EDRF1: variants seen among roughly 807,000 people sequenced by gnomAD.
The protein encoded by EDRF1 is erythroid differentiation-related factor 1.
In EDRF1, 69 loss-of-function variants were observed where a neutral mutation model predicts 148.7. The ratio of observed to expected loss-of-function variants is 0.46; its 90% confidence interval spans 0.38 to 0.57. The LOEUF is 0.57. Among genes scored for constraint, EDRF1 ranks in the 20% least tolerant of loss-of-function variants. The pLI is 0.00. For missense variants in EDRF1, 1,118 were observed against 1,478.7 expected, an observed-to-expected ratio of 0.76 and a Z score of 4.00; for synonymous variants, 515 against 532.8, an observed-to-expected ratio of 0.97 and a Z score of 0.46.
chr10:125,739,812 TA>T (rs1848920298), intron 15 of EDRF1, among the ~76,000 whole-genome samples: 1 of 152,244 alleles, frequency 6.6e-6, no homozygotes, highest in Non-Finnish European at 1.5e-5. Context: ...TGGTTTATGT[TA>T]TCAAGGATAG....
chr10:125,761,208 ATT>A (rs1850177262), intron 24 of EDRF1: 2 of 394,030 alleles, frequency 5.1e-6, no homozygotes, highest in Non-Finnish European at 5.1e-6. Flanking sequence ...TTTAAAAAAA[ATT>A]TTTGTTTTCA....
At chr10:125,721,806 C>T (rs1177702316) in intron 2 of EDRF1, among the ~76,000 whole-genome samples, 2 of 152,176 alleles carry the variant, frequency 1.3e-5, no homozygotes, top group Non-Finnish European at 2.9e-5. Context: ...TAAATGGTGG[C>T]AGGTTGATCT....
intron 17 of EDRF1, chr10:125,742,536 T>C: frequency 1.0e-6 from 1 of 985,454 alleles, no homozygotes; most frequent in Non-Finnish European, 1.2e-6. Context: ...TCTCAAATAA[T>C]CATGTTTTAA....
chr10:125,741,539 C>G (rs1360564696), intron 17 of EDRF1: 4 of 335,176 alleles, frequency 1.2e-5, no homozygotes, highest in Non-Finnish European at 2.3e-5. Flanking sequence ...CCACGCCTGG[C>G]CTGCTGTTTT....
Position 125,753,746 on chromosome 10 carries a change from G to A in EDRF1, c.3446G>A (p.Arg1149Gln), listed in dbSNP as rs200858494. Residue 1149 changes from arginine to glutamine, a missense_variant, in exon 24 of 25, where the codon CGA (arginine) becomes CAA (glutamine). Transcript: ENST00000356792. The stretch of plus-strand genomic sequence containing the variant: ...GCTGATGCTTCTCCTAGTCTCAATC[G>A]AGAAGAAGTGATGAAACTCCTCAGT... ...AAADASPSLN[R>Q]EEVMKLLSIF... 17 of 1,613,814 alleles carry A rather than the reference G, an allele frequency of 1.1e-5. No homozygotes were observed. Among genetic ancestry groups the A allele is most frequent in the African/African-American group, 2.7e-5 (2 of 74,842 alleles).
intron 24 of EDRF1, among the ~76,000 whole-genome samples, chr10:125,759,911 C>T (rs548118654): frequency 2.0e-5 from 3 of 152,212 alleles, no homozygotes; most frequent in East Asian, 3.9e-4. Flanking sequence ...GGGGTTTCAC[C>T]GTGTTAGCCA....
At position 125,754,278 on chromosome 10, in the gene EDRF1, G is replaced by C. The variant is rs532916326; in HGVS notation, c.3545+433G>C. ...TGTATTCTGTCTTGTCTTCTATGTG[G>C]ATAGTAGAATTTTAAGTGGTGTTCC... On this transcript the variant is annotated intron_variant, in intron 24 of 24. Coordinates refer to ENST00000356792, the MANE Select transcript of EDRF1 (RefSeq NM_001202438.2). Among the ~76,000 whole-genome samples the C allele has an allele frequency of 2.6e-5, 4 of 152,004 alleles. 1 individual carries two copies. The highest frequency in any genetic ancestry group is 9.6e-5 in the African/African-American group (4 of 41,476).
intron 1 of EDRF1, among the ~76,000 whole-genome samples, chr10:125,720,521 C>A (rs944494280): frequency 6.6e-6 from 1 of 152,116 alleles, no homozygotes; most frequent in Non-Finnish European, 1.5e-5. Context: ...AATTAAAATA[C>A]ATCTTTGGCC....
chr10:125,733,353 G>T, intron 9 of EDRF1, 51 bp from the exon 10 acceptor site: 4 of 1,451,026 alleles, frequency 2.8e-6, no homozygotes, highest in Non-Finnish European at 3.8e-6. Context: ...GAAAGGTGTT[G>T]TTTCCTTGGG....
intron 6 of EDRF1, among the ~76,000 whole-genome samples, chr10:125,727,420 C>T (rs1589823448): frequency 6.6e-6 from 1 of 152,258 alleles, no homozygotes; most frequent in African/African-American, 2.4e-5. Flanking sequence ...CTTTGTTAAG[C>T]AGTTATAGAG....
At chr10:125,748,140 T>G in intron 21 of EDRF1, 128 bp downstream of exon 21, 1 of 1,117,992 alleles carries the variant, frequency 8.9e-7, no homozygotes. Context: ...GTCCTAAATT[T>G]TCTGCTGCGT....
In EDRF1 at chr10:125,743,065, A is replaced by T; in HGVS notation, c.2379A>T (p.Ala793=). Residue 793 remains alanine (A), a synonymous_variant, in exon 18 of 25, where the codon GCA becomes GCT. Coordinates refer to ENST00000356792, the MANE Select transcript of EDRF1 (RefSeq NM_001202438.2). ...TCCCTTTTTTCTTTTCAGGATTTGC[A>T]TGGGCAACTGATTTGTCTACAGACT... ...LHRESSCQGF[A]WATDLSTDLE... 6.2e-7 allele frequency: 1 copy of T among 1,613,640 alleles called. No homozygotes were observed. The highest frequency in any genetic ancestry group is 1.7e-4 in the Middle Eastern group (1 of 5,880).
intron 17 of EDRF1, 102 bp downstream of exon 17, chr10:125,741,303 A>G (rs1849005111): frequency 9.4e-7 from 1 of 1,067,174 alleles, no homozygotes; most frequent in African/African-American, 1.6e-5. Context: ...TAGAGTTTTG[A>G]TATTTGCTCT....
Position 125,737,899 on chromosome 10 carries a change from T to G in EDRF1, c.1759-19T>G. On this transcript the variant is annotated intron_variant, in intron 13 of 24. Transcript: ENST00000356792. ...AATACATTGGTAGTGTATTAATAAT[T>G]TTATGTTTGTTCCTCAAGCCCAGTT... The G allele has an allele frequency of 6.2e-7, 1 of 1,611,772 alleles. No homozygotes were observed.
intron 13 of EDRF1, among the ~76,000 whole-genome samples, chr10:125,736,558 G>C (rs376513978): frequency 5.6e-4 from 85 of 152,244 alleles, no homozygotes; most frequent in African/African-American, 2.0e-3. Flanking sequence ...CGTATTTACA[G>C]ATAATCTCTT....
At chr10:125,721,954 C>T (rs1201151784) in intron 2 of EDRF1, among the ~76,000 whole-genome samples, 2 of 152,198 alleles carry the variant, frequency 1.3e-5, no homozygotes, top group Admixed American at 1.3e-4. Context: ...TACTGTAGGA[C>T]ATTTAATGTG....
At chr10:125,749,092 A>G (rs759422455) in intron 21 of EDRF1, 25 of 355,710 alleles carry the variant, frequency 7.0e-5, no homozygotes, top group Non-Finnish European at 1.2e-4. Flanking sequence ...AAAAAAATTA[A>G]AAAATTAGCC....
chr10:125,740,340 G>C, intron 15 of EDRF1, 123 bp from the exon 16 acceptor site: 1 of 1,002,300 alleles, frequency 1.0e-6, no homozygotes, highest in Non-Finnish European at 1.5e-6. Context: ...GTAAAGCATA[G>C]TATTTACCAG....
rs774121110 is a variant in EDRF1 at position 125,745,905 on chromosome 10, CAGA to C, written c.2795_2797del (p.Glu932del). The C allele has an allele frequency of 7.4e-6, 12 of 1,614,066 alleles. No individual in the cohort carries two copies. Among genetic ancestry groups the C allele is most frequent in the Non-Finnish European group, 8.5e-7 (1 of 1,180,050 alleles). On this transcript the variant is annotated inframe_deletion, in exon 19 of 25. Coordinates refer to ENST00000356792, the MANE Select transcript of EDRF1 (RefSeq NM_001202438.2). Reference sequence around the variant, plus strand: ...GATGAACTGAAACGTGAATTTTCACCAGAAGAAGGCTTGTATTATAATAAGGTA... The same window carrying C: ...GATGAACTGAAACGTGAATTTTCACCAGAAGGCTTGTATTATAATAAGGTA...
Sources: allele counts gnomAD v4.1 joint callset (sites outside exome capture counted in the v4.1 genomes callset), GRCh38; gene constraint gnomAD v4.1.1; transcripts MANE v1.5; gene names NCBI Gene and HGNC (gene_info 2026-07-23, HGNC 2026-07-21).